VRK2: variants seen among roughly 807,000 people sequenced by gnomAD.
The protein encoded by VRK2 is VRK serine/threonine kinase 2, also known as serine/threonine-protein kinase VRK2.
A neutral mutation model predicts 57.6 loss-of-function variants in VRK2; 60 were observed. That is an observed-to-expected ratio of 1.04 (90% confidence interval 0.85 to 1.29). The LOEUF (loss-of-function observed/expected upper bound fraction) is 1.29. Among genes scored for constraint, VRK2 ranks in the 50% most tolerant of loss-of-function variants. The pLI is 0.00. For missense variants in VRK2, 705 were observed against 588.1 expected, an observed-to-expected ratio of 1.20 and a Z score of -2.06; for synonymous variants, 231 against 199.2, an observed-to-expected ratio of 1.16 and a Z score of -1.35.
chr2:58,095,493 CTTA>C (rs746868063), intron 7 of VRK2, among the ~76,000 whole-genome samples: 46 of 151,982 alleles, frequency 3.0e-4, no homozygotes, highest in Non-Finnish European at 5.4e-4. Flanking sequence ...TTGCATATTT[CTTA>C]TTATGTTTGT....
At chr2:58,008,138 C>T (rs1217658812) in intron 1 of VRK2, among the ~76,000 whole-genome samples, 2 of 152,022 alleles carry the variant, frequency 1.3e-5, no homozygotes, top group Non-Finnish European at 2.9e-5. Context: ...GTTTTCTAAT[C>T]AGAGTGAAAC....
At chr2:58,090,854 T>G (rs1672279410) in intron 7 of VRK2, among the ~76,000 whole-genome samples, 1 of 152,092 alleles carries the variant, frequency 6.6e-6, no homozygotes, top group South Asian at 2.1e-4. Context: ...ATCCAGATAA[T>G]GGAATATTAT....
At chr2:57,931,056 T>A (rs1476809342) in intron 1 of VRK2, among the ~76,000 whole-genome samples, 1 of 152,132 alleles carries the variant, frequency 6.6e-6, no homozygotes, top group African/African-American at 2.4e-5. Flanking sequence ...CAAGGGACAA[T>A]TAAGTTGCTT....
intron 1 of VRK2, among the ~76,000 whole-genome samples, chr2:57,926,501 T>C (rs1010630235): frequency 6.7e-6 from 1 of 149,874 alleles, no homozygotes; most frequent in African/African-American, 2.4e-5. Context: ...TATATATATA[T>C]AGTGTGTGTA....
At chr2:58,074,301 A>G (rs1377148758) in intron 2 of VRK2, among the ~76,000 whole-genome samples, 1 of 152,044 alleles carries the variant, frequency 6.6e-6, no homozygotes, top group African/African-American at 2.4e-5. Flanking sequence ...GATTGTTAGT[A>G]TATTTGCATT....
intron 11 of VRK2, among the ~76,000 whole-genome samples, chr2:58,142,759 G>C (rs1681527842): frequency 6.6e-6 from 1 of 151,724 alleles, no homozygotes; most frequent in African/African-American, 2.4e-5. Flanking sequence ...GTTACTAAAG[G>C]CCCCATTACG....
chr2:58,057,449 A>G (rs1038791351), intron 2 of VRK2, among the ~76,000 whole-genome samples: 1 of 152,190 alleles, frequency 6.6e-6, no homozygotes, highest in Non-Finnish European at 1.5e-5. Context: ...CTGTTAAAGC[A>G]TAGTATGGAG....
chr2:58,004,443 T>A (rs1266121348), intron 1 of VRK2, among the ~76,000 whole-genome samples: 1 of 152,192 alleles, frequency 6.6e-6, no homozygotes, highest in African/African-American at 2.4e-5. Flanking sequence ...GGCAATTGAC[T>A]GTTTTCTAAT....
intron 12 of VRK2, among the ~76,000 whole-genome samples, chr2:58,158,624 A>G (rs548481817): frequency 5.3e-5 from 8 of 152,270 alleles, no homozygotes; most frequent in African/African-American, 1.9e-4. Flanking sequence ...GGCATGCCAG[A>G]TGTCACCAAA....
In VRK2 at chr2:58,040,543, G is replaced by A. The variant is rs561684747; in HGVS notation, c.-6+6990G>A. Among the ~76,000 whole-genome samples, 3 of 152,282 alleles carry A rather than the reference G, an allele frequency of 2.0e-5. No individual in the cohort carries two copies. The East Asian group carries it at 5.8e-4, about 29-fold the overall frequency. On this transcript the variant is annotated intron_variant, in intron 3 of 15. Transcript: ENST00000417641. ...TAGTGGAAGTAGTAAAGCAGTAAGA[G>A]AAATTGTGACCCAAAGCGACAAGAG...
chr2:58,110,055 T>C lies in VRK2; in HGVS notation c.544-13046T>C, dbSNP rs560204320. Among the ~76,000 whole-genome samples the C allele has an allele frequency of 4.0e-5, 6 of 150,838 alleles. No individual in the cohort carries two copies. The South Asian group carries it at 1.3e-3, about 32-fold the overall frequency. ...AGAACTTGGGAATATGGCATACCTG[T>C]GTACAAATCTGGCCAAGTGAAATAG... On this transcript the variant is annotated intron_variant, in intron 7 of 12. Transcript: ENST00000340157.
chr2:58,120,070 T>C (rs1421995664), intron 7 of VRK2, among the ~76,000 whole-genome samples: 1 of 151,952 alleles, frequency 6.6e-6, no homozygotes, highest in East Asian at 1.9e-4. Context: ...GTTGCACCCA[T>C]GCATGTTGTA....
intron 2 of VRK2, among the ~76,000 whole-genome samples, chr2:58,052,292 C>A (rs1356864478): frequency 6.6e-6 from 1 of 151,990 alleles, no homozygotes; most frequent in East Asian, 1.9e-4. Context: ...TTATTTATTT[C>A]CATAGACTTT....
intron 2 of VRK2, among the ~76,000 whole-genome samples, chr2:58,083,700 A>G (rs1298702469): frequency 6.6e-6 from 1 of 151,862 alleles, no homozygotes; most frequent in African/African-American, 2.4e-5. Flanking sequence ...AATGGATTTT[A>G]CTGTGTATTA....
At chr2:58,001,688 G>A (rs923401788) in intron 1 of VRK2, among the ~76,000 whole-genome samples, 1 of 152,084 alleles carries the variant, frequency 6.6e-6, no homozygotes, top group Non-Finnish European at 1.5e-5. Flanking sequence ...CAGGCGTGGT[G>A]TCGCGCACCT....
intron 12 of VRK2, 140 bp downstream of exon 12, chr2:58,146,614 AGCCAGCTGATAAAATTAAAGCG>A: frequency 1.0e-6 from 1 of 991,960 alleles, no homozygotes; most frequent in Non-Finnish European, 1.4e-6. Context: ...AAAATATCCT[AGCCAGCTGATAAAATTAAAGCG>A]GCCAGCACCA....
At chr2:58,082,459 T>G (rs754443020) in intron 2 of VRK2, among the ~76,000 whole-genome samples, 2 of 151,878 alleles carry the variant, frequency 1.3e-5, no homozygotes, top group Non-Finnish European at 2.9e-5. Context: ...GACAAGTGCC[T>G]AAAGTAGGTA....
rs551175585 is a variant in VRK2, at chr2:57,955,560, T to C, written c.-439+47721T>C. 2.0e-5 allele frequency among the ~76,000 whole-genome samples: 3 copies of C among 152,168 alleles called. No individual in the cohort carries two copies. The South Asian group carries it at 6.2e-4, about 32-fold the overall frequency. On this transcript the variant is annotated intron_variant, in intron 1 of 15. Transcript: ENST00000417641. The stretch of plus-strand genomic sequence containing the variant: ...TCTGAAAGTGCTGAAGAACCAGAGG[T>C]AAAACAGAATAAAACCGTTAATTTT...
intron 1 of VRK2, among the ~76,000 whole-genome samples, chr2:57,943,272 A>T (rs1487871988): frequency 3.3e-5 from 5 of 152,224 alleles, no homozygotes; most frequent in Non-Finnish European, 7.3e-5. Context: ...AAGAAGAAAA[A>T]TTTCAAGCAA....
Sources: gnomAD v4.1 joint callset for allele counts (sites outside exome capture counted in the v4.1 genomes callset) on GRCh38, gnomAD v4.1.1 for gene constraint, MANE v1.5 for transcripts, NCBI Gene and HGNC (gene_info 2026-07-23, HGNC 2026-07-21) for gene names.